The following SLCO1A2 variants were observed in gnomAD, a reference collection of about 807,000 sequenced individuals.
SLCO1A2 encodes the protein solute carrier organic anion transporter family member 1A2.
Under a neutral mutation model 69.0 loss-of-function variants are expected in SLCO1A2, and 67 were observed. The ratio of observed to expected loss-of-function variants is 0.97; its 90% CI spans 0.80 to 1.19. The LOEUF (loss-of-function observed/expected upper bound fraction) is 1.19. Among genes scored for constraint, SLCO1A2 ranks in the 50% most tolerant of loss-of-function variants. SLCO1A2 has a pLI of 0.00. For missense variants in SLCO1A2, 787 were observed against 793.7 expected, an observed-to-expected ratio of 0.99 and a Z score of 0.10; for synonymous variants, 260 against 265.9, an observed-to-expected ratio of 0.98 and a Z score of 0.22.
intron 14 of SLCO1A2, 125 bp downstream of exon 14, chr12:21,274,344 T>G: frequency 1.8e-6 from 1 of 565,042 alleles, no homozygotes; most frequent in Non-Finnish European, 3.2e-6. Context: ...AACATCAGTA[T>G]CTCTGCTGGA....
At chr12:21,393,608 T>C (rs553562664) in intron 1 of SLCO1A2, among the ~76,000 whole-genome samples, 180 of 152,194 alleles carry the variant, frequency 1.2e-3, no homozygotes, top group Non-Finnish European at 2.1e-3. Flanking sequence ...CAATAGACAA[T>C]GCCCAATTTA....
intron 2 of SLCO1A2, among the ~76,000 whole-genome samples, chr12:21,356,351 T>A (rs2137029406): frequency 6.6e-6 from 1 of 152,140 alleles, no homozygotes; most frequent in Admixed American, 6.5e-5. Flanking sequence ...TTAATTTACC[T>A]CCTAAAAGAA....
chr12:21,280,928 A>G (rs763427300), intron 12 of SLCO1A2, among the ~76,000 whole-genome samples: 98 of 152,286 alleles, frequency 6.4e-4, no homozygotes, highest in Non-Finnish European at 1.1e-3. Flanking sequence ...CTACAAATCA[A>G]TAACAAGAGG....
At chr12:21,404,905 C>A (rs1941797404) in intron 1 of SLCO1A2, among the ~76,000 whole-genome samples, 1 of 152,126 alleles carries the variant, frequency 6.6e-6, no homozygotes, top group Non-Finnish European at 1.5e-5. Flanking sequence ...TCTGTTGTTT[C>A]TTGACTTTTT....
chr12:21,330,481 C>A (rs868836555), intron 2 of SLCO1A2, among the ~76,000 whole-genome samples: 98 of 152,092 alleles, frequency 6.4e-4, no homozygotes, highest in African/African-American at 2.4e-3. Flanking sequence ...TGCACTCCAG[C>A]CTGGGTGACA....
chr12:21,291,538 C>A (rs949566032), intron 12 of SLCO1A2, among the ~76,000 whole-genome samples: 8 of 152,052 alleles, frequency 5.3e-5, no homozygotes, highest in Non-Finnish European at 1.0e-4. Context: ...AGAAAAAATG[C>A]AAATTATGTT....
intron 2 of SLCO1A2, among the ~76,000 whole-genome samples, chr12:21,321,635 C>T (rs1181962643): frequency 2.0e-5 from 3 of 152,194 alleles, no homozygotes; most frequent in Non-Finnish European, 4.4e-5. Flanking sequence ...CTACATGTAG[C>T]TGTGTTAATT....
chr12:21,334,503 T>G (rs191613135), intron 2 of SLCO1A2, 85 bp downstream of exon 2: 173 of 940,068 alleles, frequency 1.8e-4, no homozygotes, highest in Non-Finnish European at 2.4e-4. Context: ...GATCACTTCA[T>G]GCAGATAGGA....
At chr12:21,272,699 T>C (rs902885351) in intron 14 of SLCO1A2, among the ~76,000 whole-genome samples, 1 of 152,040 alleles carries the variant, frequency 6.6e-6, no homozygotes, top group Non-Finnish European at 1.5e-5. Context: ...TTAGTTCAAA[T>C]TTTGAAAAGT....
At chr12:21,280,288 G>C (rs1240890159) in intron 12 of SLCO1A2, among the ~76,000 whole-genome samples, 1 of 151,924 alleles carries the variant, frequency 6.6e-6, no homozygotes. Flanking sequence ...ATGACATAAA[G>C]TAGCTGAATG....
At chr12:21,299,787 T>C in intron 8 of SLCO1A2, among the ~76,000 whole-genome samples, 1 of 116,504 alleles carries the variant, frequency 8.6e-6, no homozygotes, top group East Asian at 5.0e-4. Flanking sequence ...TATATATATA[T>C]ATACACACAC....
chr12:21,388,981 A>C (rs2137147402), intron 1 of SLCO1A2, among the ~76,000 whole-genome samples: 1 of 152,306 alleles, frequency 6.6e-6, no homozygotes, highest in African/African-American at 2.4e-5. Flanking sequence ...TGGATGCTTA[A>C]ATGTGACTAT....
intron 2 of SLCO1A2, among the ~76,000 whole-genome samples, chr12:21,359,150 T>C (rs1938613099): frequency 6.6e-6 from 1 of 152,286 alleles, no homozygotes; most frequent in Non-Finnish European, 1.5e-5. Context: ...GATTTTTATA[T>C]ACTTTAAGAC....
intron 2 of SLCO1A2, among the ~76,000 whole-genome samples, chr12:21,328,408 A>C (rs1248441243): frequency 6.6e-6 from 1 of 152,162 alleles, no homozygotes; most frequent in Non-Finnish European, 1.5e-5. Context: ...TAGTATTTAC[A>C]ACAGAAGGGG....
intron 12 of SLCO1A2, among the ~76,000 whole-genome samples, chr12:21,284,088 G>A (rs1173604053): frequency 6.6e-6 from 1 of 152,134 alleles, no homozygotes; most frequent in African/African-American, 2.4e-5. Context: ...AAGAAAGGAA[G>A]TCAGTGTATC....
At chr12:21,374,566 T>C (rs922562669) in intron 1 of SLCO1A2, 10 of 152,216 alleles carry the variant, frequency 6.6e-5, no homozygotes, top group African/African-American at 2.4e-4. Flanking sequence ...CAGAGGCTTT[T>C]TGTCATTTCA....
chr12:21,342,129 C>T (rs1273787278), intron 2 of SLCO1A2, among the ~76,000 whole-genome samples: 1 of 151,952 alleles, frequency 6.6e-6, no homozygotes, highest in Admixed American at 6.6e-5. Flanking sequence ...AGGCAGGAAG[C>T]ATAAAGAGCA....
At chr12:21,352,100 T>C (rs924625303) in intron 2 of SLCO1A2, among the ~76,000 whole-genome samples, 1 of 152,154 alleles carries the variant, frequency 6.6e-6, no homozygotes, top group African/African-American at 2.4e-5. Flanking sequence ...ATGGAAAATA[T>C]CAAACACCCA....
upstream of SLCO1A2, among the ~76,000 whole-genome samples, chr12:21,400,076 A>C (rs1468985090): frequency 3.3e-5 from 5 of 151,946 alleles, no homozygotes; most frequent in South Asian, 4.2e-4. Flanking sequence ...AACTACCATC[A>C]GAGTGAACAG....
Sources: gnomAD v4.1 joint callset for allele counts (sites outside exome capture counted in the v4.1 genomes callset) on GRCh38, gnomAD v4.1.1 for gene constraint, MANE v1.5 for transcripts, NCBI Gene and HGNC (gene_info 2026-07-23, HGNC 2026-07-21) for gene names.